Variants in UNC13C observed in about 807,000 individuals in gnomAD.
The protein encoded by UNC13C is protein unc-13 homolog C.
A neutral mutation model predicts 245.4 loss-of-function variants in UNC13C; 174 were observed. The ratio of observed to expected loss-of-function variants is 0.71; its 90% CI spans 0.63 to 0.80. The LOEUF is 0.80. UNC13C is among the 30% of genes least tolerant of loss of function. UNC13C has a pLI of 0.00. For missense variants in UNC13C, 2,829 were observed against 2,602.9 expected (o/e 1.09, Z -1.89); for synonymous variants, 992 against 895.1 (o/e 1.11, Z -1.93).
intron 19 of UNC13C, among the ~76,000 whole-genome samples, chr15:54,420,556 G>C (rs1402637365): frequency 1.3e-5 from 2 of 151,892 alleles, no homozygotes; most frequent in East Asian, 3.9e-4. Context: ...GTGTCATCTT[G>C]AAGGCTGGCT....
intron 19 of UNC13C, among the ~76,000 whole-genome samples, chr15:54,430,345 TA>T (rs1373511234): frequency 6.6e-6 from 1 of 151,716 alleles, no homozygotes; most frequent in African/African-American, 2.4e-5. Context: ...TATCAGCTAT[TA>T]AAACTTTTGG....
At chr15:54,378,913 C>T (rs929199350) in intron 17 of UNC13C, among the ~76,000 whole-genome samples, 13 of 152,100 alleles carry the variant, frequency 8.5e-5, no homozygotes, top group Non-Finnish European at 1.3e-4. Context: ...AGTGCTCAAA[C>T]ACTTTGAAAT....
chr15:54,095,139 C>T (rs1899785863), intron 2 of UNC13C, among the ~76,000 whole-genome samples: 1 of 152,194 alleles, frequency 6.6e-6, no homozygotes, highest in Non-Finnish European at 1.5e-5. Context: ...AGCCTCACTA[C>T]AGAACACCAT....
chr15:54,192,496 C>G lies in UNC13C; in HGVS notation c.3072-42534C>G, dbSNP rs112896489. The stretch of plus-strand genomic sequence containing the variant: ...CTTTCCAGACAACTGTGATTGGCAG[C>G]TGCCAGACTCTTCACAATACAGCCC... On this transcript the variant is annotated intron_variant, in intron 4 of 32. Transcript: ENST00000260323. 6.0e-3 allele frequency among the ~76,000 whole-genome samples: 920 copies of G among 152,230 alleles called. 54 individuals carry two copies. In the East Asian group the frequency reaches 0.11, roughly 18 times the overall value.
chr15:54,092,664 T>C (rs746538493), intron 2 of UNC13C, among the ~76,000 whole-genome samples: 1 of 152,188 alleles, frequency 6.6e-6, no homozygotes, highest in Non-Finnish European at 1.5e-5. Flanking sequence ...ATATCTTTAA[T>C]ATGTTTAGAA....
chr15:53,903,384 A>G, the UNC13C span, among the ~76,000 whole-genome samples: 1 of 152,234 alleles, frequency 6.6e-6, no homozygotes, highest in South Asian at 2.1e-4. Context: ...GAAATATTTC[A>G]GGGTTTAATC....
intron 13 of UNC13C, among the ~76,000 whole-genome samples, chr15:54,310,776 CTATAT>C (rs2037850324): frequency 1.0e-5 from 1 of 95,882 alleles, no homozygotes; most frequent in African/African-American, 3.8e-5. Context: ...ATATCTATAT[CTATAT>C]ATATGTACAT....
chr15:54,213,855 C>G (rs573247646), intron 4 of UNC13C, among the ~76,000 whole-genome samples: 144 of 152,044 alleles, frequency 9.5e-4, no homozygotes, highest in Non-Finnish European at 1.7e-3. Flanking sequence ...TGGAAACTTT[C>G]AGAGGTGAGG....
At chr15:54,156,534 T>C (rs2032753345) in intron 4 of UNC13C, among the ~76,000 whole-genome samples, 1 of 152,134 alleles carries the variant, frequency 6.6e-6, no homozygotes, top group South Asian at 2.1e-4. Flanking sequence ...ATTTAGAAGG[T>C]TCCCCACGTT....
chr15:54,393,357 T>C (rs1011184761), intron 18 of UNC13C, among the ~76,000 whole-genome samples, 176 bp downstream of exon 18: 1 of 151,930 alleles, frequency 6.6e-6, no homozygotes, highest in African/African-American at 2.4e-5. Context: ...TATGAATTTT[T>C]AGTTTGAGCT....
At chr15:54,132,074 C>CT (rs1555420957) in intron 2 of UNC13C, among the ~76,000 whole-genome samples, 4 of 110,646 alleles carry the variant, frequency 3.6e-5, no homozygotes, top group African/African-American at 9.7e-5. Flanking sequence ...TTTTCTTTTT[C>CT]TTTTTTTTTT....
chr15:54,615,050 G>C (rs3848140), intron 30 of UNC13C, among the ~76,000 whole-genome samples: 4 of 151,664 alleles, frequency 2.6e-5, no homozygotes, highest in Non-Finnish European at 4.4e-5. Context: ...GATGTATTTA[G>C]ACATAGATTT....
chr15:54,336,894 T>A (rs2038591657), intron 16 of UNC13C, among the ~76,000 whole-genome samples: 1 of 152,190 alleles, frequency 6.6e-6, no homozygotes, highest in Admixed American at 6.6e-5. Flanking sequence ...TTAAAAAAGA[T>A]AATGTGCATC....
intron 24 of UNC13C, among the ~76,000 whole-genome samples, chr15:54,515,127 G>A (rs1894914534): frequency 6.6e-6 from 1 of 151,956 alleles, no homozygotes; most frequent in African/African-American, 2.4e-5. Context: ...TAACCTTTAG[G>A]AATGGAGTAC....
chr15:54,454,773 G>C (rs1023254835), intron 19 of UNC13C, among the ~76,000 whole-genome samples: 1 of 150,652 alleles, frequency 6.6e-6, no homozygotes, highest in Non-Finnish European at 1.5e-5. Flanking sequence ...GCAACTCCCA[G>C]TACTCCATCT....
intron 4 of UNC13C, among the ~76,000 whole-genome samples, chr15:54,190,930 A>G (rs1485340359): frequency 6.6e-6 from 1 of 152,090 alleles, no homozygotes. Flanking sequence ...CATTTATAAT[A>G]TATTTATTCA....
intron 16 of UNC13C, among the ~76,000 whole-genome samples, chr15:54,335,779 G>T (rs956524430): frequency 6.6e-6 from 1 of 152,118 alleles, no homozygotes; most frequent in Non-Finnish European, 1.5e-5. Flanking sequence ...AGATGTTTGA[G>T]TTATTTACAA....
intron 2 of UNC13C, among the ~76,000 whole-genome samples, chr15:54,073,011 C>T (rs1364348183): frequency 6.6e-6 from 1 of 152,086 alleles, no homozygotes; most frequent in African/African-American, 2.4e-5. Context: ...AGGTATGTCT[C>T]CTAACACTAT....
At chr15:54,386,289 C>A (rs370639261) in intron 17 of UNC13C, among the ~76,000 whole-genome samples, 1 of 152,090 alleles carries the variant, frequency 6.6e-6, no homozygotes, top group Non-Finnish European at 1.5e-5. Context: ...TGAAGAACAT[C>A]CAAGTGAGAA....
Sources: allele counts gnomAD v4.1 joint callset (sites outside exome capture counted in the v4.1 genomes callset), GRCh38; gene constraint gnomAD v4.1.1; transcripts MANE v1.5; gene names NCBI Gene and HGNC (gene_info 2026-07-23, HGNC 2026-07-21).